The following EFCAB7 variants were observed in gnomAD, a reference collection of about 807,000 sequenced individuals.
The protein encoded by EFCAB7 is EF-hand calcium-binding domain-containing protein 7.
In EFCAB7, 66 loss-of-function variants were observed where a neutral mutation model predicts 77.1. That is an observed-to-expected ratio of 0.86 (90% CI 0.70 to 1.05). The LOEUF is 1.05. Among genes scored for constraint, EFCAB7 ranks in the 50% least tolerant of loss-of-function variants. EFCAB7 has a pLI of 0.00. For synonymous variants in EFCAB7, 225 were observed against 243.3 expected (o/e 0.92, Z 0.70); for missense variants, 638 against 730.5 (o/e 0.87, Z 1.46).
chr1:63,535,360 T>C (rs569087834), intron 6 of EFCAB7, among the ~76,000 whole-genome samples: 5 of 152,218 alleles, frequency 3.3e-5, no homozygotes, highest in South Asian at 2.1e-4. Context: ...TTTAAAAATA[T>C]AAATTTTCAT....
chr1:63,553,102 T>C lies in EFCAB7; in HGVS notation c.1056+1268T>C, dbSNP rs978982335. On this transcript the variant is annotated intron_variant, in intron 8 of 13. Coordinates refer to ENST00000371088, the MANE Select transcript of EFCAB7 (RefSeq NM_032437.4). Reference sequence around the variant, plus strand: ...TATGTTGTATTTACAAAGGATTTTTTATTTGTATTTATACTTTCACAATTA... The same window carrying C: ...TATGTTGTATTTACAAAGGATTTTTCATTTGTATTTATACTTTCACAATTA... Among the ~76,000 whole-genome samples, 3 of 152,260 alleles carry C rather than the reference T, an allele frequency of 2.0e-5. No individual in the cohort carries two copies. The East Asian group carries it at 5.8e-4, about 29-fold the overall frequency.
At chr1:63,550,821 G>T (rs1027871617) in intron 7 of EFCAB7, among the ~76,000 whole-genome samples, 1 of 151,852 alleles carries the variant, frequency 6.6e-6, no homozygotes, top group Non-Finnish European at 1.5e-5. Flanking sequence ...CTAAGGATTG[G>T]TCTTGGTATG....
Position 63,557,266 on chromosome 1 carries a change from C to T in EFCAB7, c.1348+19C>T. On this transcript the variant is annotated intron_variant, in intron 10 of 13. Coordinates refer to ENST00000371088, the MANE Select transcript of EFCAB7 (RefSeq NM_032437.4). ...TGCAGAGGTAAGCACTTTTCTTTTC[C>T]TTAACAGATGTATAAAAATATATAT... is the stretch of plus-strand genomic sequence containing the variant. 1.3e-6 allele frequency: 2 copies of T among 1,580,470 alleles called. No homozygotes were observed. The highest frequency in any genetic ancestry group is 8.5e-7 in the Non-Finnish European group (1 of 1,170,892).
intron 5 of EFCAB7, 109 bp downstream of exon 5, chr1:63,533,758 A>G: frequency 1.2e-6 from 1 of 838,046 alleles, no homozygotes; most frequent in Non-Finnish European, 1.7e-6. Context: ...TGAGAATCTA[A>G]CTTTTGTTAG....
At chr1:63,562,656 C>T (rs6689239) in intron 11 of EFCAB7, among the ~76,000 whole-genome samples, 11,015 of 148,742 alleles carry the variant, frequency 0.074, 1,329 homozygotes, top group African/African-American at 0.25. Flanking sequence ...CATGCCCCCA[C>T]GCCCAGCTAA....
chr1:63,530,083 G>A (rs942967941), intron 2 of EFCAB7, among the ~76,000 whole-genome samples: 2 of 152,066 alleles, frequency 1.3e-5, no homozygotes, highest in Non-Finnish European at 2.9e-5. Context: ...AGTTTGTATT[G>A]ATGAACAAAA....
In EFCAB7 at chr1:63,568,292, A is replaced by C. The variant is rs527524728; in HGVS notation, c.1498-18A>C. The C allele has an allele frequency of 6.4e-7, 1 of 1,561,856 alleles. No homozygotes were observed. The highest frequency in any genetic ancestry group is 1.9e-5 in the Admixed American group (1 of 52,540). ...AATTCTATCAAAAGGCTGAAACAAG[A>C]TTTTTTTTTCCTATCAGGCATGTCC... On this transcript the variant is annotated intron_variant, in intron 11 of 13. Coordinates refer to ENST00000371088, the MANE Select transcript of EFCAB7 (RefSeq NM_032437.4).
chr1:63,548,743 G>A (rs1426314329), intron 7 of EFCAB7: 2 of 152,174 alleles, frequency 1.3e-5, no homozygotes, highest in East Asian at 1.9e-4. Flanking sequence ...GCTCTGATGG[G>A]ATCAAGAAAA....
the EFCAB7 span, among the ~76,000 whole-genome samples, chr1:63,584,397 A>G: frequency 6.6e-6 from 1 of 152,228 alleles, no homozygotes; most frequent in African/African-American, 2.4e-5. Flanking sequence ...TCTACAAAAA[A>G]TAAAATTAGC....
At chr1:63,527,095 T>A (rs11208235) in intron 2 of EFCAB7, among the ~76,000 whole-genome samples, 27,387 of 152,254 alleles carry the variant, frequency 0.18, 2,575 homozygotes, top group Middle Eastern at 0.26. Flanking sequence ...AATTTGCCAT[T>A]ATTTCTAAAA....
intron 2 of EFCAB7, chr1:63,529,665 A>G (rs374835145): frequency 6.6e-6 from 1 of 151,260 alleles, no homozygotes; most frequent in African/African-American, 2.4e-5. Context: ...GTGAGCCGAG[A>G]TTACACCATT....
intron 13 of EFCAB7, among the ~76,000 whole-genome samples, chr1:63,571,670 C>CAA (rs10605515): frequency 2.1e-3 from 139 of 65,228 alleles, no homozygotes; most frequent in Middle Eastern, 0.01. Flanking sequence ...GACTCTGTCT[C>CAA]AAAAAAAAAA....
the EFCAB7 span, among the ~76,000 whole-genome samples, chr1:63,579,692 C>G: frequency 6.6e-6 from 1 of 152,190 alleles, no homozygotes; most frequent in East Asian, 1.9e-4. Flanking sequence ...AGTTATTCTG[C>G]AACCTTATCA....
chr1:63,582,817 C>T, the EFCAB7 span, among the ~76,000 whole-genome samples: 1 of 152,170 alleles, frequency 6.6e-6, no homozygotes, highest in Non-Finnish European at 1.5e-5. Flanking sequence ...GTTGGCCAGG[C>T]TGGTCTCGAA....
intron 12 of EFCAB7, 44 bp from the exon 13 acceptor site, chr1:63,570,977 T>A (rs1331930800): frequency 2.2e-6 from 3 of 1,387,942 alleles, no homozygotes. Flanking sequence ...TGTCTGTAAT[T>A]ATTAAAGAAA....
At chr1:63,565,717 G>A (rs1647163067) in intron 11 of EFCAB7, among the ~76,000 whole-genome samples, 1 of 151,966 alleles carries the variant, frequency 6.6e-6, no homozygotes, top group South Asian at 2.1e-4. Context: ...ATGAACAGAC[G>A]CTTTAAAAGA....
the EFCAB7 span, among the ~76,000 whole-genome samples, chr1:63,578,188 G>A: frequency 1.3e-5 from 2 of 152,126 alleles, no homozygotes; most frequent in South Asian, 2.1e-4. Context: ...GATTTAGAAA[G>A]AGGAGAGGAA....
intron 10 of EFCAB7, among the ~76,000 whole-genome samples, chr1:63,560,372 T>C (rs1647082562): frequency 6.6e-6 from 1 of 152,166 alleles, no homozygotes; most frequent in African/African-American, 2.4e-5. Flanking sequence ...ATTTGTATTA[T>C]ATGTCAAATA....
intron 7 of EFCAB7, chr1:63,548,945 A>T (rs1289430780): frequency 6.4e-6 from 1 of 155,468 alleles, no homozygotes; most frequent in Non-Finnish European, 1.4e-5. Context: ...TTGAATGAGG[A>T]GCCTCAGCAC....
Sources: gnomAD v4.1 joint callset for allele counts (sites outside exome capture counted in the v4.1 genomes callset) on GRCh38, gnomAD v4.1.1 for gene constraint, MANE v1.5 for transcripts, NCBI Gene and HGNC (gene_info 2026-07-23, HGNC 2026-07-21) for gene names.